PPIP5K2: variants seen among roughly 807,000 people sequenced by gnomAD.
PPIP5K2 encodes the protein inositol hexakisphosphate and diphosphoinositol-pentakisphosphate kinase 2.
In PPIP5K2, 105 loss-of-function variants were observed where a neutral mutation model predicts 154.6. The observed-to-expected ratio is 0.68, with a 90% CI of 0.58 to 0.80. The LOEUF is 0.80. Ranked by LOEUF, PPIP5K2 falls within the 30% of genes least tolerant of loss-of-function variation. The probability of loss-of-function intolerance (pLI) is 0.00; values close to 1 mark genes in which losing one functional copy is unlikely to be tolerated. For synonymous variants in PPIP5K2, 480 were observed against 490.3 expected (o/e 0.98, Z 0.28); for missense variants, 992 against 1,504.6 (o/e 0.66, Z 5.64).
At chr5:103,190,627 C>T (rs932628023) in intron 28 of PPIP5K2, among the ~76,000 whole-genome samples, 8 of 151,884 alleles carry the variant, frequency 5.3e-5, no homozygotes, top group African/African-American at 1.7e-4. Context: ...TGCGATACTA[C>T]GTGATTACAT....
In PPIP5K2 at chr5:103,201,769, T is replaced by G. The variant is rs1489904769; in HGVS notation, c.*135T>G. 3.1e-6 allele frequency: 2 copies of G among 653,570 alleles called. No homozygotes were observed. The highest frequency in any genetic ancestry group is 6.8e-5 in the Admixed American group (2 of 29,208). 40.5% of individuals were successfully genotyped at this position (653,570 alleles called of 1,614,324 possible). ...CTTTGTTTATGTTCAGGTAAGGAAC[T>G]GTTGTCATGATCTGGAAATGTTTAA... On this transcript the variant is annotated 3_prime_UTR_variant, in exon 31 of 31. Transcript: ENST00000358359.
chr5:103,177,000 T>A (rs1321667625), intron 21 of PPIP5K2: 1 of 917,224 alleles, frequency 1.1e-6, no homozygotes, highest in Non-Finnish European at 1.6e-6. Flanking sequence ...TAGGCCTATA[T>A]TGCATACATG....
At chr5:103,191,228 A>G (rs1334032149) in intron 29 of PPIP5K2, among the ~76,000 whole-genome samples, 1 of 151,976 alleles carries the variant, frequency 6.6e-6, no homozygotes. Context: ...TAGCAGTAGA[A>G]GTCAACAAAA....
intron 1 of PPIP5K2, among the ~76,000 whole-genome samples, chr5:103,126,347 C>G (rs1554200706): frequency 6.6e-6 from 1 of 151,972 alleles, no homozygotes; most frequent in Non-Finnish European, 1.5e-5. Context: ...CAAAAGGGGA[C>G]AGACCAGTCA....
At chr5:103,198,920 T>G (rs1580498801) in intron 30 of PPIP5K2, among the ~76,000 whole-genome samples, 1 of 152,182 alleles carries the variant, frequency 6.6e-6, no homozygotes, top group African/African-American at 2.4e-5. Context: ...TTTATTTAAC[T>G]TTTTCTATGG....
intron 11 of PPIP5K2, among the ~76,000 whole-genome samples, 175 bp from the exon 12 acceptor site, chr5:103,154,495 T>G (rs555106225): frequency 6.6e-6 from 1 of 152,162 alleles, no homozygotes; most frequent in Admixed American, 6.5e-5. Flanking sequence ...GTACTAAGTT[T>G]TATCAATCAA....
chr5:103,176,752 CT>C (rs1798779420), intron 21 of PPIP5K2: 4 of 566,742 alleles, frequency 7.1e-6, no homozygotes, highest in Non-Finnish European at 1.2e-5. Flanking sequence ...TGACTATAGA[CT>C]TTACTTTGAG....
chr5:103,158,023 A>C (rs568982145), intron 14 of PPIP5K2, among the ~76,000 whole-genome samples, 165 bp from the exon 15 acceptor site: 1 of 152,244 alleles, frequency 6.6e-6, no homozygotes, highest in Admixed American at 6.5e-5. Flanking sequence ...GCAACTGCCT[A>C]CAAACGGCAT....
At position 103,206,535 on chromosome 5, in the gene PPIP5K2, G is replaced by A. The variant is rs1803523517; in HGVS notation, c.*4901G>A. On this transcript the variant is annotated 3_prime_UTR_variant, in exon 31 of 31. Transcript: ENST00000358359. ...GAGTCAGTTTTTCCGAAAAGCCTCA[G>A]CACTGTTGACATTTTGGACCATAAA... 6.6e-6 allele frequency: 1 copy of A among 152,188 alleles called. No individual in the cohort carries two copies. The highest frequency in any genetic ancestry group is 2.4e-5 in the African/African-American group (1 of 41,418). 9.4% of individuals were successfully genotyped at this position (152,188 alleles called of 1,614,324 possible).
At chr5:103,193,587 A>T (rs1250239248) in intron 29 of PPIP5K2, among the ~76,000 whole-genome samples, 2 of 152,048 alleles carry the variant, frequency 1.3e-5, no homozygotes, top group African/African-American at 4.8e-5. Context: ...AAAATATGCA[A>T]GCAGAAAAGG....
intron 19 of PPIP5K2, among the ~76,000 whole-genome samples, chr5:103,169,988 C>T (rs1797725701): frequency 6.6e-6 from 1 of 151,548 alleles, no homozygotes; most frequent in South Asian, 2.1e-4. Context: ...TTTAGCATAA[C>T]CATGTCTGTG....
At chr5:103,130,477 T>C (rs781845826) in intron 2 of PPIP5K2, among the ~76,000 whole-genome samples, 2 of 152,164 alleles carry the variant, frequency 1.3e-5, no homozygotes, top group Non-Finnish European at 2.9e-5. Flanking sequence ...TTCTATTTTG[T>C]AAAAATAGTA....
intron 18 of PPIP5K2, among the ~76,000 whole-genome samples, chr5:103,167,869 A>G (rs1003872943): frequency 5.9e-5 from 9 of 152,058 alleles, no homozygotes; most frequent in East Asian, 1.9e-4. Context: ...AGTCTATAAT[A>G]TATGGAAAAA....
rs552462311 is a variant in PPIP5K2, at chr5:103,134,753, A to G, written c.310+1105A>G. Among the ~76,000 whole-genome samples, 7 of 152,328 alleles carry G rather than the reference A, an allele frequency of 4.6e-5. No individual in the cohort carries two copies. In the South Asian group the frequency reaches 6.2e-4, roughly 14 times the overall value. Reference sequence around the variant, plus strand: ...GTTTCTCTTTAACAAAAACAAAAGCAGGAAACTGTGTAGGTGTTTTCTATT... The same window carrying G: ...GTTTCTCTTTAACAAAAACAAAAGCGGGAAACTGTGTAGGTGTTTTCTATT... On this transcript the variant is annotated intron_variant, in intron 3 of 30. Transcript: ENST00000358359.
At position 103,177,664 on chromosome 5, in the gene PPIP5K2, C is replaced by G; in HGVS notation, c.2530-3C>G. Reference sequence around the variant, plus strand: ...ATGATTACCACATGTATCTTTTGTTCAGGAATCAAAGGATGAACAGTGGAA... The same window carrying G: ...ATGATTACCACATGTATCTTTTGTTGAGGAATCAAAGGATGAACAGTGGAA... On this transcript the variant is annotated splice_polypyrimidine_tract_variant and splice_region_variant and intron_variant, in intron 21 of 30. Coordinates refer to ENST00000358359, the MANE Select transcript of PPIP5K2 (RefSeq NM_001276277.3). The G allele has an allele frequency of 6.3e-7, 1 of 1,588,272 alleles. No individual in the cohort carries two copies. The highest frequency in any genetic ancestry group is 8.6e-7 in the Non-Finnish European group (1 of 1,164,704).
rs149094291 is a variant in PPIP5K2, at chr5:103,176,523, A to G, written c.2530-1144A>G. 4.9e-3 allele frequency among the ~76,000 whole-genome samples: 753 copies of G among 152,122 alleles called. 1 individual carries two copies. Among genetic ancestry groups the G allele is most frequent in the Non-Finnish European group, 8.6e-3 (584 of 67,890 alleles). On this transcript the variant is annotated intron_variant, in intron 21 of 30. Coordinates refer to ENST00000358359, the MANE Select transcript of PPIP5K2 (RefSeq NM_001276277.3). ...ATAATGTCTAAAACAGAAATAAAAT[A>G]CACGCTGAATTTTAAAAAGCATACA... is the stretch of plus-strand genomic sequence containing the variant.
intron 25 of PPIP5K2, among the ~76,000 whole-genome samples, chr5:103,183,906 T>C (rs1303625837): frequency 6.6e-6 from 1 of 152,202 alleles, no homozygotes; most frequent in Admixed American, 6.5e-5. Context: ...CGAATATTGA[T>C]AATTTTCTTC....
intron 9 of PPIP5K2, 25 bp from the exon 10 acceptor site, chr5:103,152,622 TA>T: frequency 6.9e-7 from 1 of 1,458,486 alleles, no homozygotes; most frequent in Non-Finnish European, 9.6e-7. Context: ...GTACTAATTT[TA>T]AATCTTTTCT....
In PPIP5K2 at chr5:103,201,584, A is replaced by G. The variant is rs36046591; in HGVS notation, c.3682A>G (p.Ser1228Gly). 0.042 allele frequency: 68,087 copies of G among 1,610,884 alleles called. 1,709 individuals carry two copies. The highest frequency in any genetic ancestry group is 0.05 in the Non-Finnish European group (59,231 of 1,178,378). The change falls in exon 31 of 31, where the codon AGC (serine) becomes GGC (glycine). Residue 1228 changes from serine to glycine, a missense_variant. Ser to Gly is a moderately conservative substitution (Grantham distance 56). This residue lies in a region of PPIP5K2 where 131 missense variants were observed against 117.8 expected (regional missense o/e 1.11). Transcript: ENST00000358359. ...CTCATCTCGGAAAAAGAATATAACT[A>G]GCAAAACAGAAACGCATGAACACAA... is the stretch of plus-strand genomic sequence containing the variant. ...NTSSRKKNIT[S>G]KTETHEHKKN...
Sources: allele counts gnomAD v4.1 joint callset (sites outside exome capture counted in the v4.1 genomes callset), GRCh38; gene constraint gnomAD v4.1.1; regional missense constraint gnomAD v4.1.1; transcripts MANE v1.5; gene names NCBI Gene and HGNC (gene_info 2026-07-23, HGNC 2026-07-21).